Variants in SRD5A2 observed in about 807,000 individuals in gnomAD.
SRD5A2 encodes the protein steroid 5 alpha-reductase 2, also known as 3-oxo-5-alpha-steroid 4-dehydrogenase 2.
SRD5A2 carries 30 observed loss-of-function variants against 27.4 expected under a neutral mutation model. That is an observed-to-expected ratio of 1.10 (90% CI 0.82 to 1.49). The LOEUF is 1.49. Among genes scored for constraint, SRD5A2 ranks in the 40% most tolerant of loss-of-function variants. SRD5A2 has a pLI of 0.00. For synonymous variants in SRD5A2, 141 were observed against 133.6 expected (o/e 1.06, Z -0.38); for missense variants, 348 against 323.4 (o/e 1.08, Z -0.58).
At chr2:31,644,519 C>G in the SRD5A2 span, among the ~76,000 whole-genome samples, 5 of 152,142 alleles carry the variant, frequency 3.3e-5, no homozygotes, top group African/African-American at 9.7e-5. Flanking sequence ...CTCGCATGTG[C>G]AGTTCACAAT....
At chr2:31,566,940 A>C (rs1666741408) in intron 1 of SRD5A2, among the ~76,000 whole-genome samples, 1 of 152,252 alleles carries the variant, frequency 6.6e-6, no homozygotes. Flanking sequence ...AATCATGGTC[A>C]ATTTTCATTT....
the SRD5A2 span, among the ~76,000 whole-genome samples, chr2:31,625,178 A>G: frequency 6.6e-6 from 1 of 152,156 alleles, no homozygotes; most frequent in Non-Finnish European, 1.5e-5. Flanking sequence ...GTGTCTGTTC[A>G]TATCCTTTGC....
In SRD5A2 at chr2:31,548,271, G is replaced by A. The variant is rs571508317; in HGVS notation, c.282-14505C>T. ...AACTTCATGGAGAATCTTTAAAATT[G>A]TACATCAAAGACACTATTAATAGAG... is the stretch of plus-strand genomic sequence containing the variant. On this transcript the variant is annotated intron_variant, in intron 1 of 4. Coordinates refer to ENST00000622030, the MANE Select transcript of SRD5A2 (RefSeq NM_000348.4). Among the ~76,000 whole-genome samples, 5 of 152,210 alleles carry A rather than the reference G, an allele frequency of 3.3e-5. No individual in the cohort carries two copies. In the South Asian group the frequency reaches 8.3e-4, roughly 25 times the overall value.
the SRD5A2 span, among the ~76,000 whole-genome samples, chr2:31,655,698 A>C: frequency 1.3e-5 from 2 of 152,150 alleles, no homozygotes; most frequent in African/African-American, 4.8e-5. Context: ...AGAATGAGAA[A>C]TATTGTTTCA....
At chr2:31,576,170 T>G (rs1033454903) in intron 1 of SRD5A2, among the ~76,000 whole-genome samples, 1 of 129,222 alleles carries the variant, frequency 7.7e-6, no homozygotes, top group East Asian at 2.1e-4. Context: ...CTAAAGAGCT[T>G]CTGCACAGCA....
At chr2:31,600,412 A>G in the SRD5A2 span, among the ~76,000 whole-genome samples, 1 of 151,978 alleles carries the variant, frequency 6.6e-6, no homozygotes, top group Non-Finnish European at 1.5e-5. Context: ...ATCACTACAC[A>G]CTGCTTTCCA....
At chr2:31,597,935 A>G in the SRD5A2 span, among the ~76,000 whole-genome samples, 2 of 152,162 alleles carry the variant, frequency 1.3e-5, no homozygotes, top group Non-Finnish European at 2.9e-5. Flanking sequence ...CATTTGACCC[A>G]GCACTCCCAC....
Position 31,559,413 on chromosome 2 carries a change from T to C in SRD5A2, c.281+21207A>G, listed in dbSNP as rs539628618. 2.0e-5 allele frequency among the ~76,000 whole-genome samples: 3 copies of C among 152,324 alleles called. No individual in the cohort carries two copies. The East Asian group carries it at 5.8e-4, about 29-fold the overall frequency. ...TAATTATGGCTAATATAAATTGTTT[T>C]TTAGAAAGTGTTTCTTACTAAGTGA... On this transcript the variant is annotated intron_variant, in intron 1 of 4. Coordinates refer to ENST00000622030, the MANE Select transcript of SRD5A2 (RefSeq NM_000348.4).
chr2:31,587,461 A>G, the SRD5A2 span, among the ~76,000 whole-genome samples: 1 of 152,352 alleles, frequency 6.6e-6, no homozygotes, highest in South Asian at 2.1e-4. Flanking sequence ...ACACATGTTT[A>G]TGGCAGCACT....
intron 1 of SRD5A2, among the ~76,000 whole-genome samples, chr2:31,549,471 A>G (rs1461171961): frequency 6.6e-6 from 1 of 152,148 alleles, no homozygotes; most frequent in East Asian, 1.9e-4. Flanking sequence ...TGATGGTTGC[A>G]CAACATTAAG....
chr2:31,653,875 T>C, the SRD5A2 span, among the ~76,000 whole-genome samples: 5 of 152,106 alleles, frequency 3.3e-5, no homozygotes, highest in Admixed American at 6.6e-5. Flanking sequence ...TCCAGGCTAG[T>C]CTCAAACTCC....
chr2:31,660,137 T>C, the SRD5A2 span, among the ~76,000 whole-genome samples: 7 of 152,098 alleles, frequency 4.6e-5, no homozygotes, highest in African/African-American at 1.7e-4. Flanking sequence ...TTTTTTAAAG[T>C]GGTCATAGAG....
chr2:31,546,942 C>CA (rs1413357227), intron 1 of SRD5A2, among the ~76,000 whole-genome samples: 1 of 151,916 alleles, frequency 6.6e-6, no homozygotes, highest in East Asian at 1.9e-4. Flanking sequence ...ACTAAAAATA[C>CA]AAAAAAGTAG....
the SRD5A2 span, among the ~76,000 whole-genome samples, chr2:31,627,757 T>G: frequency 6.6e-6 from 1 of 152,186 alleles, no homozygotes; most frequent in Non-Finnish European, 1.5e-5. Flanking sequence ...TGTTGTTTGA[T>G]TCCCACTTAA....
chr2:31,603,940 A>T, the SRD5A2 span, among the ~76,000 whole-genome samples: 1 of 151,686 alleles, frequency 6.6e-6, no homozygotes, highest in African/African-American at 2.4e-5. Context: ...TAGCTAATGG[A>T]TTCTGGGCTT....
At chr2:31,595,238 T>A in the SRD5A2 span, among the ~76,000 whole-genome samples, 6 of 151,202 alleles carry the variant, frequency 4.0e-5, no homozygotes, top group South Asian at 2.1e-4. Context: ...AAAGAAAAAA[T>A]CAATACAAAA....
At chr2:31,610,696 T>A in the SRD5A2 span, among the ~76,000 whole-genome samples, 1 of 152,100 alleles carries the variant, frequency 6.6e-6, no homozygotes, top group Non-Finnish European at 1.5e-5. Flanking sequence ...AAAGTAAAAT[T>A]ATCTTTTTTT....
the SRD5A2 span, among the ~76,000 whole-genome samples, chr2:31,614,627 C>G: frequency 6.6e-5 from 10 of 152,330 alleles, no homozygotes; most frequent in South Asian, 2.1e-3. Context: ...GGCTTCAACC[C>G]CATGTTTCCC....
At chr2:31,643,327 T>G in the SRD5A2 span, among the ~76,000 whole-genome samples, 5 of 152,102 alleles carry the variant, frequency 3.3e-5, no homozygotes, top group Non-Finnish European at 7.4e-5. Context: ...GTTTTCTCAT[T>G]GTTAAAGAAA....
Sources: gnomAD v4.1 joint callset for allele counts (sites outside exome capture counted in the v4.1 genomes callset) on GRCh38, gnomAD v4.1.1 for gene constraint, MANE v1.5 for transcripts, NCBI Gene and HGNC (gene_info 2026-07-23, HGNC 2026-07-21) for gene names.